TXNRD1: variants seen among roughly 807,000 people sequenced by gnomAD.
TXNRD1 encodes the protein thioredoxin reductase 1.
In TXNRD1, 57 loss-of-function variants were observed where a neutral mutation model predicts 80.3. The observed-to-expected ratio is 0.71, with a 90% CI of 0.57 to 0.89. TXNRD1 has a LOEUF of 0.89. Ranked by LOEUF, TXNRD1 falls within the 40% of genes least tolerant of loss-of-function variation. The pLI is 0.00. For missense variants in TXNRD1, 730 were observed against 803.0 expected, an observed-to-expected ratio of 0.91 and a Z score of 1.10; for synonymous variants, 291 against 285.2, an observed-to-expected ratio of 1.02 and a Z score of -0.20.
chr12:104,215,898 G>A lies in TXNRD1; in HGVS notation c.91+5G>A. 1 of 1,551,036 alleles carries A rather than the reference G, an allele frequency of 6.4e-7. No individual in the cohort carries two copies. The highest frequency in any genetic ancestry group is 8.7e-7 in the Non-Finnish European group (1 of 1,146,810). On this transcript the variant is annotated splice_donor_5th_base_variant and intron_variant, in intron 1 of 16. Transcript: ENST00000525566. ...GCGATGGCCGCCGTAGGTCAGGTAC[G>A]ACCGAGGGCGAAGGCCTGGTCCCCA...
chr12:104,250,470 G>C (rs190934021), intron 1 of TXNRD1, among the ~76,000 whole-genome samples: 20 of 152,206 alleles, frequency 1.3e-4, no homozygotes, highest in Admixed American at 2.6e-4. Context: ...TTAAAGTGTA[G>C]GTTCTAGAGA....
At chr12:104,271,536 G>C (rs2033652655) in intron 3 of TXNRD1, among the ~76,000 whole-genome samples, 1 of 152,256 alleles carries the variant, frequency 6.6e-6, no homozygotes, top group South Asian at 2.1e-4. Flanking sequence ...GCAATGTTTT[G>C]TGGGCAGGGG....
At chr12:104,271,508 T>C (rs1450832824) in intron 3 of TXNRD1, among the ~76,000 whole-genome samples, 1 of 152,102 alleles carries the variant, frequency 6.6e-6, no homozygotes, top group African/African-American at 2.4e-5. Flanking sequence ...GGTTTTGGGA[T>C]AGGCGGTGGA....
rs1255069083 is a variant in TXNRD1 at position 104,215,807 on chromosome 12, G to C, written c.5G>C (p.Gly2Ala). 11 of 1,559,580 alleles carry C rather than the reference G, an allele frequency of 7.1e-6. No homozygotes were observed. Among genetic ancestry groups the C allele is most frequent in the Non-Finnish European group, 9.5e-6 (11 of 1,152,334 alleles). The change falls in exon 1 of 17, where the codon GGC (glycine) becomes GCC (alanine). Residue 2 changes from glycine (G) to alanine (A), a missense_variant. Gly to Ala is a moderately conservative substitution (Grantham distance 60, BLOSUM62 0). Coordinates refer to ENST00000525566, the MANE Select transcript of TXNRD1 (RefSeq NM_001093771.3). ...TCCCACAGGGCCTTGTGCGACATGGGCTGCGCCGAGGGCAAGGCAGTGGCG... is the reference window on the plus strand; with the variant it reads ...TCCCACAGGGCCTTGTGCGACATGGCCTGCGCCGAGGGCAAGGCAGTGGCG... MGCAEGKAVAAA... is the reference protein window; with the variant it reads MACAEGKAVAAA...
At position 104,270,302 on chromosome 12, in the gene TXNRD1, G is replaced by A. The variant is rs1005450975; in HGVS notation, c.304+12223G>A. 5.9e-5 allele frequency among the ~76,000 whole-genome samples: 9 copies of A among 152,152 alleles called. No individual in the cohort carries two copies. The South Asian group carries it at 6.2e-4, about 11-fold the overall frequency. Reference sequence around the variant, plus strand: ...ATAAAATATATTTCTTAAATAATAAGACTTGAAAGTCAAAATTAATCCTTT... The same window carrying A: ...ATAAAATATATTTCTTAAATAATAAAACTTGAAAGTCAAAATTAATCCTTT... On this transcript the variant is annotated intron_variant, in intron 3 of 16. Coordinates refer to ENST00000525566, the MANE Select transcript of TXNRD1 (RefSeq NM_001093771.3).
rs143535525 is a variant in TXNRD1, at chr12:104,257,973, A to G, written c.244-46A>G. On this transcript the variant is annotated intron_variant, in intron 2 of 16. Coordinates refer to ENST00000525566, the MANE Select transcript of TXNRD1 (RefSeq NM_001093771.3). Reference sequence around the variant, plus strand: ...TGGATAAGAGATTCTCTTGTTGGTTATAACCTCATTTTTCATTTTCCTCCT... The same window carrying G: ...TGGATAAGAGATTCTCTTGTTGGTTGTAACCTCATTTTTCATTTTCCTCCT... The G allele has an allele frequency of 1.0e-3, 1,462 of 1,417,270 alleles. 17 individuals are homozygous for G. In the African/African-American group the frequency reaches 0.018, roughly 18 times the overall value. 87.8% of individuals were successfully genotyped at this position (1,417,270 alleles called of 1,614,324 possible).
chr12:104,256,981 T>C, intron 2 of TXNRD1, among the ~76,000 whole-genome samples: 1 of 149,390 alleles, frequency 6.7e-6, no homozygotes, highest in Non-Finnish European at 1.5e-5. Context: ...CTTTTCTTTT[T>C]TTTTTTTTTT....
intron 3 of TXNRD1, among the ~76,000 whole-genome samples, chr12:104,279,789 G>T (rs1237669122): frequency 6.6e-6 from 1 of 152,014 alleles, no homozygotes; most frequent in Non-Finnish European, 1.5e-5. Flanking sequence ...GTCTGGCCAG[G>T]CACGGTGGCT....
intron 16 of TXNRD1, among the ~76,000 whole-genome samples, chr12:104,347,597 G>T (rs1038436762): frequency 6.6e-6 from 1 of 152,184 alleles, no homozygotes; most frequent in Non-Finnish European, 1.5e-5. Flanking sequence ...CTCCAGCTCT[G>T]TGTGCAAGGA....
At chr12:104,320,319 T>C (rs1185225483) in intron 9 of TXNRD1, among the ~76,000 whole-genome samples, 2 of 152,248 alleles carry the variant, frequency 1.3e-5, no homozygotes, top group African/African-American at 4.8e-5. Flanking sequence ...TATGCTTTTA[T>C]CCTTTCTCAC....
intron 4 of TXNRD1, among the ~76,000 whole-genome samples, chr12:104,293,778 C>T (rs1467477732): frequency 6.6e-6 from 1 of 152,140 alleles, no homozygotes; most frequent in Non-Finnish European, 1.5e-5. Context: ...GCCCGGGGGA[C>T]CGCTACCACC....
intron 8 of TXNRD1, 137 bp downstream of exon 8, chr12:104,319,192 A>T: frequency 8.9e-7 from 1 of 1,129,220 alleles, no homozygotes; most frequent in South Asian, 1.7e-5. Flanking sequence ...TGATTTTGCT[A>T]TCATATCATC....
At position 104,304,014 on chromosome 12, in the gene TXNRD1, T is replaced by G. The variant is rs202006648; in HGVS notation, c.415-7276T>G. The G allele has an allele frequency of 8.9e-5, 143 of 1,611,970 alleles. 1 individual carries two copies. The African/African-American group carries it at 1.7e-3, about 20-fold the overall frequency. ...GGGGAGGCCGACGTAGACCCAAAGC[T>G]CCTGGAGCTCACCGCTGACGAGGAG... On this transcript the variant is annotated intron_variant, in intron 4 of 16. Transcript: ENST00000525566.
chr12:104,241,937 A>ATTTTTTTTTTTTTTT (rs747774973), intron 1 of TXNRD1, among the ~76,000 whole-genome samples: 2 of 96,074 alleles, frequency 2.1e-5, no homozygotes, highest in Non-Finnish European at 3.7e-5. Context: ...TATACTAATG[A>ATTTTTTTTTTTTTTT]TTTTTTTTTT....
chr12:104,230,163 G>A (rs539580455), intron 1 of TXNRD1, among the ~76,000 whole-genome samples: 15 of 151,458 alleles, frequency 9.9e-5, no homozygotes, highest in East Asian at 2.0e-4. Context: ...TCCACCTCCC[G>A]GTTCAAGCAA....
intron 16 of TXNRD1, among the ~76,000 whole-genome samples, chr12:104,340,841 AC>A (rs2036299698): frequency 2.0e-5 from 3 of 152,236 alleles, no homozygotes; most frequent in Admixed American, 1.3e-4. Context: ...AATTCAACCC[AC>A]AATAGTGAGT....
At chr12:104,251,457 C>A in intron 1 of TXNRD1, 70 bp from the exon 2 acceptor site, 1 of 1,502,592 alleles carries the variant, frequency 6.7e-7, no homozygotes, top group Non-Finnish European at 9.1e-7. Flanking sequence ...TAGAGTGAAC[C>A]TAATATTAGA....
chr12:104,316,655 C>A (rs142626243), intron 7 of TXNRD1, among the ~76,000 whole-genome samples: 14 of 152,288 alleles, frequency 9.2e-5, no homozygotes, highest in Middle Eastern at 3.4e-3. Context: ...TCCCAAAGTG[C>A]TGGGATTACA....
intron 14 of TXNRD1, 95 bp from the exon 15 acceptor site, chr12:104,334,142 C>T: frequency 2.1e-6 from 1 of 469,752 alleles, no homozygotes; most frequent in Non-Finnish European, 3.7e-6. Flanking sequence ...TGAAAGTCTA[C>T]TTATTAAAGA....
Sources: gnomAD v4.1 joint callset for allele counts (sites outside exome capture counted in the v4.1 genomes callset) on GRCh38, gnomAD v4.1.1 for gene constraint, MANE v1.5 for transcripts, NCBI Gene and HGNC (gene_info 2026-07-23, HGNC 2026-07-21) for gene names.